COL5A2: variants seen among roughly 807,000 people sequenced by gnomAD.
The protein encoded by COL5A2 is collagen alpha-2(V) chain.
A neutral mutation model predicts 208.2 loss-of-function variants in COL5A2; 23 were observed. That is an observed-to-expected ratio of 0.11 (90% CI 0.08 to 0.16). The LOEUF is 0.16. Ranked by LOEUF, COL5A2 falls within the 10% of genes least tolerant of loss-of-function variation. The probability of loss-of-function intolerance (pLI) is 1.00; values close to 1 mark genes in which losing one functional copy is unlikely to be tolerated. For synonymous variants in COL5A2, 625 were observed against 628.5 expected (o/e 0.99, Z 0.08); for missense variants, 1,590 against 1,956.4 (o/e 0.81, Z 3.53).
At chr2:189,434,180 CA>C in the COL5A2 span, among the ~76,000 whole-genome samples, 11 of 152,116 alleles carry the variant, frequency 7.2e-5, no homozygotes, top group Non-Finnish European at 1.2e-4. Flanking sequence ...GGATGTATCT[CA>C]AAATAATAAC....
chr2:189,208,946 A>C (rs1370598877), intron 1 of COL5A2, among the ~76,000 whole-genome samples: 1 of 152,062 alleles, frequency 6.6e-6, no homozygotes, highest in Non-Finnish European at 1.5e-5. Context: ...TTACCATGGC[A>C]CCAGAACTTT....
At chr2:189,437,802 AT>A in the COL5A2 span, among the ~76,000 whole-genome samples, 1 of 152,204 alleles carries the variant, frequency 6.6e-6, no homozygotes, top group Non-Finnish European at 1.5e-5. Context: ...AATTCATGAC[AT>A]TAATACAAAA....
Position 189,130,692 on chromosome 2 carries a change from C to T in COL5A2, c.98-20243G>A, listed in dbSNP as rs146088043. Among the ~76,000 whole-genome samples the T allele has an allele frequency of 5.8e-4, 88 of 151,952 alleles. 1 individual carries two copies. The East Asian group carries it at 0.017, about 29-fold the overall frequency. On this transcript the variant is annotated intron_variant, in intron 1 of 53. Coordinates refer to ENST00000374866, the MANE Select transcript of COL5A2 (RefSeq NM_000393.5). ...CAGATCTAGCTAGCATCTAGTATCTCTTCTACACAGATAAGTTTCCATTCC... is the reference window on the plus strand; with the variant it reads ...CAGATCTAGCTAGCATCTAGTATCTTTTCTACACAGATAAGTTTCCATTCC...
intron 1 of COL5A2, among the ~76,000 whole-genome samples, chr2:189,197,664 G>A (rs759630914): frequency 1.3e-4 from 19 of 150,752 alleles, no homozygotes; most frequent in Non-Finnish European, 2.7e-4. Context: ...GTTAAACTAA[G>A]ATTCAAATGA....
chr2:189,243,472 A>AT, the COL5A2 span, among the ~76,000 whole-genome samples: 1 of 152,200 alleles, frequency 6.6e-6, no homozygotes, highest in Non-Finnish European at 1.5e-5. Context: ...GGAAACTCCC[A>AT]TTTTTAAAAT....
rs140602158 is a variant in COL5A2 at position 189,067,575 on chromosome 2, A to G, written c.1401+440T>C. 5.3e-5 allele frequency among the ~76,000 whole-genome samples: 8 copies of G among 152,328 alleles called. No individual in the cohort carries two copies. The East Asian group carries it at 1.5e-3, about 29-fold the overall frequency. ...TTTCTGTAAAATATGAAAACATTCAATCTGACATTCAATCTGATTAATATA... is the reference window on the plus strand; with the variant it reads ...TTTCTGTAAAATATGAAAACATTCAGTCTGACATTCAATCTGATTAATATA... On this transcript the variant is annotated intron_variant, in intron 21 of 53. Transcript: ENST00000374866.
At chr2:189,179,052 G>C (rs1352091857) in intron 1 of COL5A2, among the ~76,000 whole-genome samples, 1 of 152,148 alleles carries the variant, frequency 6.6e-6, no homozygotes, top group African/African-American at 2.4e-5. Context: ...CAGAGTTGCT[G>C]CAGAGGTTTT....
the COL5A2 span, among the ~76,000 whole-genome samples, chr2:189,241,644 C>G: frequency 6.6e-6 from 1 of 152,150 alleles, no homozygotes; most frequent in South Asian, 2.1e-4. Context: ...CATGATCACA[C>G]CCCTGTACTC....
the COL5A2 span, among the ~76,000 whole-genome samples, chr2:189,348,382 C>T: frequency 5.3e-5 from 8 of 151,974 alleles, no homozygotes; most frequent in Non-Finnish European, 8.8e-5. Flanking sequence ...TGAATCTCTA[C>T]CCCAGTTATG....
chr2:189,103,552 A>G (rs1687089388), intron 3 of COL5A2, among the ~76,000 whole-genome samples: 1 of 152,086 alleles, frequency 6.6e-6, no homozygotes, highest in African/African-American at 2.4e-5. Flanking sequence ...ATAATTTTCA[A>G]GATAACCAAA....
intron 31 of COL5A2, among the ~76,000 whole-genome samples, chr2:189,059,759 G>A (rs1035119701): frequency 6.6e-6 from 1 of 151,138 alleles, no homozygotes; most frequent in East Asian, 2.0e-4. Flanking sequence ...ACCATGCCCA[G>A]GTAATTTTTG....
chr2:189,319,744 C>G, the COL5A2 span, among the ~76,000 whole-genome samples: 1 of 152,160 alleles, frequency 6.6e-6, no homozygotes, highest in South Asian at 2.1e-4. Flanking sequence ...GGGAGCAGGG[C>G]GTAGCCGAAC....
intron 1 of COL5A2, among the ~76,000 whole-genome samples, chr2:189,168,219 G>T (rs1161957514): frequency 6.8e-6 from 1 of 147,748 alleles, no homozygotes; most frequent in East Asian, 2.0e-4. Flanking sequence ...GATTATAGGC[G>T]TGAGCCACTG....
the COL5A2 span, among the ~76,000 whole-genome samples, chr2:189,368,620 A>C: frequency 6.6e-6 from 1 of 152,340 alleles, no homozygotes; most frequent in African/African-American, 2.4e-5. Flanking sequence ...ATATTAAATC[A>C]CCAGTAGAAT....
At chr2:189,087,247 T>C (rs72904492) in intron 8 of COL5A2, among the ~76,000 whole-genome samples, 20,188 of 152,164 alleles carry the variant, frequency 0.13, 1,368 homozygotes, top group Middle Eastern at 0.19. Context: ...TGAAAACGAT[T>C]TGGGGCACTG....
chr2:189,051,535 A>C, intron 41 of COL5A2, 54 bp from the exon 42 acceptor site: 1 of 1,526,634 alleles, frequency 6.6e-7, no homozygotes, highest in Middle Eastern at 2.1e-4. Context: ...GGCAAGTAAG[A>C]GTGATTGACA....
At chr2:189,336,215 T>C in the COL5A2 span, among the ~76,000 whole-genome samples, 1 of 152,116 alleles carries the variant, frequency 6.6e-6, no homozygotes, top group East Asian at 1.9e-4. Flanking sequence ...ACTAGAGTAG[T>C]TGAAATAAAA....
chr2:189,148,547 T>C (rs1258899972), intron 1 of COL5A2, among the ~76,000 whole-genome samples: 1 of 151,986 alleles, frequency 6.6e-6, no homozygotes, highest in Non-Finnish European at 1.5e-5. Flanking sequence ...TTAAAAGATG[T>C]AAAAAGAGGA....
At chr2:189,044,989 T>C (rs866112267) in intron 47 of COL5A2, among the ~76,000 whole-genome samples, 190 bp downstream of exon 47, 26 of 152,014 alleles carry the variant, frequency 1.7e-4, no homozygotes, top group Admixed American at 6.6e-4. Flanking sequence ...TCAGAAGAAT[T>C]GTGTTAAAAT....
Sources: allele counts gnomAD v4.1 joint callset (sites outside exome capture counted in the v4.1 genomes callset), GRCh38; gene constraint gnomAD v4.1.1; transcripts MANE v1.5; gene names NCBI Gene and HGNC (gene_info 2026-07-23, HGNC 2026-07-21).